Variants in VDAC1 observed in about 807,000 individuals in gnomAD.
VDAC1 encodes non-selective voltage-gated ion channel VDAC1.
A neutral mutation model predicts 34.7 loss-of-function variants in VDAC1; 10 were observed. The observed-to-expected ratio is 0.29, with a 90% CI of 0.18 to 0.49. The LOEUF is 0.49. Ranked by LOEUF, VDAC1 falls within the 20% of genes least tolerant of loss-of-function variation. The pLI, the probability that VDAC1 is intolerant of heterozygous loss-of-function variation, is 0.99. For synonymous variants in VDAC1, 130 were observed against 136.0 expected (o/e 0.96, Z 0.30); for missense variants, 230 against 347.9 (o/e 0.66, Z 2.69).
the VDAC1 span, among the ~76,000 whole-genome samples, chr5:134,018,564 G>T: frequency 2.0e-5 from 3 of 152,184 alleles, no homozygotes; most frequent in South Asian, 2.1e-4. Flanking sequence ...GGACTGTTTA[G>T]TCTGCCTGTG....
chr5:134,002,847 C>G (rs1220022171), intron 1 of VDAC1, among the ~76,000 whole-genome samples: 1 of 152,036 alleles, frequency 6.6e-6, no homozygotes, highest in African/African-American at 2.4e-5. Context: ...TGCCTGGGAT[C>G]CCAGATACTC....
At chr5:134,085,378 C>T in the VDAC1 span, among the ~76,000 whole-genome samples, 3,016 of 151,954 alleles carry the variant, frequency 0.02, 82 homozygotes, top group African/African-American at 0.068. Context: ...CGAGATGATC[C>T]CTCTTAAGAA....
At chr5:134,075,226 A>G in the VDAC1 span, among the ~76,000 whole-genome samples, 2 of 152,154 alleles carry the variant, frequency 1.3e-5, no homozygotes, top group Non-Finnish European at 2.9e-5. Flanking sequence ...TTCTATTTGC[A>G]CTGTTTGCAC....
the VDAC1 span, among the ~76,000 whole-genome samples, chr5:134,011,791 C>T: frequency 6.6e-6 from 1 of 152,080 alleles, no homozygotes; most frequent in African/African-American, 2.4e-5. Context: ...AGGTGCCCAC[C>T]ACCAGGCCCG....
At chr5:134,091,243 C>A in the VDAC1 span, among the ~76,000 whole-genome samples, 1 of 152,170 alleles carries the variant, frequency 6.6e-6, no homozygotes, top group Non-Finnish European at 1.5e-5. Flanking sequence ...AGAAATAGAG[C>A]ACGGCTTGTG....
the VDAC1 span, among the ~76,000 whole-genome samples, chr5:134,085,722 T>TAAAAAAAAAAAAAAAAAAAA: frequency 2.0e-4 from 9 of 44,246 alleles, no homozygotes; most frequent in African/African-American, 3.0e-4. Flanking sequence ...ACCCCATTTC[T>TAAAAAAAAAAAAAAAAAAAA]AAAAAAAAAA....
chr5:134,085,669 C>T, the VDAC1 span, among the ~76,000 whole-genome samples: 2 of 128,936 alleles, frequency 1.6e-5, no homozygotes, highest in Non-Finnish European at 3.1e-5. Context: ...GGGAGGATCA[C>T]TCGAGGTTAG....
At chr5:134,070,746 A>G in the VDAC1 span, among the ~76,000 whole-genome samples, 1 of 152,086 alleles carries the variant, frequency 6.6e-6, no homozygotes, top group African/African-American at 2.4e-5. Context: ...CCGGTGGTAA[A>G]CTATTAGTTT....
At chr5:134,051,591 C>G in the VDAC1 span, among the ~76,000 whole-genome samples, 1 of 151,820 alleles carries the variant, frequency 6.6e-6, no homozygotes, top group African/African-American at 2.4e-5. Flanking sequence ...TCTCTTCTTA[C>G]AGATATTAAA....
At chr5:134,011,291 G>A in the VDAC1 span, among the ~76,000 whole-genome samples, 1 of 151,898 alleles carries the variant, frequency 6.6e-6, no homozygotes, top group Non-Finnish European at 1.5e-5. Flanking sequence ...GAGCCACTGC[G>A]CCCAGCCCCC....
At chr5:134,003,709 G>A (rs1318725099) in intron 1 of VDAC1, among the ~76,000 whole-genome samples, 1 of 152,174 alleles carries the variant, frequency 6.6e-6, no homozygotes, top group African/African-American at 2.4e-5. Context: ...TCTCCACACC[G>A]GCACTGTTCT....
the VDAC1 span, among the ~76,000 whole-genome samples, chr5:134,010,215 T>G: frequency 5.3e-5 from 8 of 152,048 alleles, no homozygotes; most frequent in Admixed American, 3.3e-4. Context: ...TGCAGGAAAA[T>G]GGACAGCAGC....
the VDAC1 span, among the ~76,000 whole-genome samples, chr5:134,075,001 T>C: frequency 0.12 from 18,027 of 152,122 alleles, 1,530 homozygotes; most frequent in African/African-American, 0.24. Flanking sequence ...GTACAGCTCG[T>C]CCAGCCATTT....
chr5:134,078,647 C>CTTTTTTT, the VDAC1 span, among the ~76,000 whole-genome samples: 7,996 of 117,724 alleles, frequency 0.068, 517 homozygotes, highest in East Asian at 0.2. Context: ...CCTCAAGCAT[C>CTTTTTTT]TTTTTTTTTT....
the VDAC1 span, among the ~76,000 whole-genome samples, chr5:134,040,084 T>C: frequency 6.6e-6 from 1 of 152,058 alleles, no homozygotes; most frequent in Non-Finnish European, 1.5e-5. Context: ...ACAAAAGGCA[T>C]CTCCTCTTTT....
the VDAC1 span, among the ~76,000 whole-genome samples, chr5:134,014,231 A>G: frequency 1.3e-5 from 2 of 151,970 alleles, no homozygotes; most frequent in Non-Finnish European, 2.9e-5. Context: ...TGGAGGTTGC[A>G]GTGAGTCGAG....
chr5:134,074,653 C>T, the VDAC1 span, among the ~76,000 whole-genome samples: 325 of 152,246 alleles, frequency 2.1e-3, 6 homozygotes, highest in Admixed American at 0.016. Context: ...GGCCTCTTCT[C>T]CTCCAGGTTT....
chr5:134,040,667 C>T, the VDAC1 span, among the ~76,000 whole-genome samples: 1 of 152,220 alleles, frequency 6.6e-6, no homozygotes, highest in South Asian at 2.1e-4. Flanking sequence ...GTGGAGGTTG[C>T]GGTGAGCCAA....
At chr5:133,980,523 T>G (rs1752648268) in intron 6 of VDAC1, among the ~76,000 whole-genome samples, 1 of 150,852 alleles carries the variant, frequency 6.6e-6, no homozygotes, top group African/African-American at 2.4e-5. Flanking sequence ...GTGGAAAGGA[T>G]CTAAGACACT....
Sources: allele counts gnomAD v4.1 joint callset (sites outside exome capture counted in the v4.1 genomes callset), GRCh38; gene constraint gnomAD v4.1.1; transcripts MANE v1.5; gene names NCBI Gene and HGNC (gene_info 2026-07-23, HGNC 2026-07-21).